CHST15: variants seen among roughly 807,000 people sequenced by gnomAD.
CHST15 encodes carbohydrate sulfotransferase 15, also known as B cell RAG associated protein (GALNAC4S-6ST).
Under a neutral mutation model 53.6 loss-of-function variants are expected in CHST15, and 30 were observed. The ratio of observed to expected loss-of-function variants is 0.56; its 90% CI spans 0.42 to 0.76. The LOEUF (loss-of-function observed/expected upper bound fraction) is 0.76, where lower values mean the gene tolerates loss of function less well. Among genes scored for constraint, CHST15 ranks in the 30% least tolerant of loss-of-function variants. CHST15 has a pLI of 0.00. For missense variants in CHST15, 627 were observed against 740.5 expected (o/e 0.85, Z 1.78); for synonymous variants, 296 against 289.8 (o/e 1.02, Z -0.22).
intron 1 of CHST15, among the ~76,000 whole-genome samples, chr10:124,077,000 C>T (rs1184941182): frequency 1.3e-5 from 2 of 152,220 alleles, no homozygotes; most frequent in African/African-American, 2.4e-5. Flanking sequence ...TGAGCCACCG[C>T]GCCCGGCCAA....
rs532415514 is a variant in CHST15 at position 124,036,024 on chromosome 10, G to A, written c.1190+2491C>T. 1.1e-4 allele frequency among the ~76,000 whole-genome samples: 16 copies of A among 152,346 alleles called. No homozygotes were observed. The South Asian group carries it at 3.1e-3, about 30-fold the overall frequency. The stretch of plus-strand genomic sequence containing the variant: ...ACACAAGGCTGCTGTGTGCACTCTC[G>A]GCCCCTGAGGTTAAGGCGTGGTCTG... On this transcript the variant is annotated intron_variant, in intron 5 of 7. Transcript: ENST00000435907. The surrounding 1 kb of genome is among the most constrained non-coding windows in gnomAD (Gnocchi z 5.1).
At chr10:124,030,428 G>C (rs1947183476) in intron 5 of CHST15, among the ~76,000 whole-genome samples, 1 of 152,194 alleles carries the variant, frequency 6.6e-6, no homozygotes, top group Admixed American at 6.5e-5. Flanking sequence ...GTCCTCACAA[G>C]GACCCTTGTA....
rs1359028669 is a variant in CHST15, at chr10:124,046,469, C to T, written c.-257G>A. On this transcript the variant is annotated 5_prime_UTR_variant, in exon 2 of 8. Coordinates refer to ENST00000435907, the MANE Select transcript of CHST15 (RefSeq NM_001270764.2). ...TGTTCTACAAGAGCCGCTGCAACCTCAGAGAAGGTCACAAGTTCGGGAGCA... is the reference window on the plus strand; with the variant it reads ...TGTTCTACAAGAGCCGCTGCAACCTTAGAGAAGGTCACAAGTTCGGGAGCA... 2.6e-6 allele frequency: 1 copy of T among 384,444 alleles called. No individual in the cohort carries two copies. The highest frequency in any genetic ancestry group is 4.6e-6 in the Non-Finnish European group (1 of 216,278). The allele number at this position is 384,444 out of a possible 1,614,324, so 23.8% of individuals were successfully genotyped here.
chr10:124,037,144 C>G (rs772852315), intron 5 of CHST15, among the ~76,000 whole-genome samples: 5 of 152,200 alleles, frequency 3.3e-5, no homozygotes, highest in Non-Finnish European at 7.3e-5. Context: ...GGGTGAGGGT[C>G]TACCCTGATC....
Position 124,009,398 on chromosome 10 carries a change from A to G in CHST15, c.*751T>C, listed in dbSNP as rs1258699666. 1.3e-5 allele frequency: 13 copies of G among 1,009,802 alleles called. No individual in the cohort carries two copies. The East Asian group carries it at 3.9e-4, about 30-fold the overall frequency. The allele number at this position is 1,009,802 out of a possible 1,614,324, so 62.6% of individuals were successfully genotyped here. A position where few individuals can be genotyped will look rare whatever the true frequency, so the allele number is the denominator to read the frequency against. The stretch of plus-strand genomic sequence containing the variant: ...AACGCATTCATTTTCTATGTTAAAC[A>G]TAAGTCCACAAGGACAGAATAGGAG... On this transcript the variant is annotated 3_prime_UTR_variant, in exon 8 of 8. Coordinates refer to ENST00000435907, the MANE Select transcript of CHST15 (RefSeq NM_001270764.2).
intron 1 of CHST15, among the ~76,000 whole-genome samples, chr10:124,072,638 C>T (rs1948955339): frequency 6.6e-6 from 1 of 152,242 alleles, no homozygotes; most frequent in Non-Finnish European, 1.5e-5. Context: ...ACCAGGCCAG[C>T]CACTTTCATC....
In CHST15 at chr10:124,036,662, G is replaced by GCA. The variant is rs36082614; in HGVS notation, c.1190+1851_1190+1852dup. Among the ~76,000 whole-genome samples, 20,715 of 149,618 alleles carry GCA rather than the reference G, an allele frequency of 0.14. 1,948 individuals are homozygous for GCA. The highest frequency in any genetic ancestry group is 0.27 in the African/African-American group (10,786 of 40,332). ...TAAGACTGTCCTGTCACACCCATGT[G>GCA]CACACACACACACACACACACTTAT... On this transcript the variant is annotated intron_variant, in intron 5 of 7. Transcript: ENST00000435907. This position sits in a 1 kb window ranked among gnomAD's most constrained non-coding sequence, Gnocchi z 5.1.
chr10:124,018,538 G>A (rs539146030), intron 6 of CHST15, among the ~76,000 whole-genome samples: 25 of 152,336 alleles, frequency 1.6e-4, no homozygotes, highest in Admixed American at 2.6e-4. Flanking sequence ...CTGTGCCCCC[G>A]GATCTTCAGA....
Position 124,038,537 on chromosome 10 carries a change from T to C in CHST15, c.1168A>G (p.Met390Val), listed in dbSNP as rs1947609117. Reference protein sequence around the residue: ...AFQPNARLIVMLRDPVERLYS... With the variant: ...AFQPNARLIVVLRDPVERLYS... ...CACCTCTCCACAGGGTCCCTGAGCA[T>C]GACAATCAGTCTGGCATTTGGCTGA... The change falls in exon 5 of 8, where the codon ATG becomes GTG. Residue 390 changes from methionine to valine, a missense_variant. Physicochemically the swap from Met to Val is conservative, Grantham distance 21 (BLOSUM62 1). Transcript: ENST00000435907. 2 of 1,614,234 alleles carry C rather than the reference T, an allele frequency of 1.2e-6. No homozygotes were observed. The highest frequency in any genetic ancestry group is 1.7e-6 in the Non-Finnish European group (2 of 1,180,038).
intron 1 of CHST15, among the ~76,000 whole-genome samples, chr10:124,069,404 A>G (rs1437568522): frequency 3.9e-5 from 6 of 152,200 alleles, no homozygotes; most frequent in African/African-American, 1.4e-4. Flanking sequence ...GCACAGATGG[A>G]AATGGGGCAG....
chr10:124,060,140 C>A (rs1412085317), intron 1 of CHST15, among the ~76,000 whole-genome samples: 2 of 149,366 alleles, frequency 1.3e-5, no homozygotes, highest in Non-Finnish European at 3.0e-5. Context: ...TGCCAGCCCC[C>A]ATTCAGTGTG....
intron 1 of CHST15, among the ~76,000 whole-genome samples, chr10:124,060,605 G>A (rs897494107): frequency 1.3e-5 from 2 of 148,902 alleles, no homozygotes; most frequent in South Asian, 4.3e-4. Flanking sequence ...TTCCCCCAGG[G>A]GCATGTGGGC....
intron 1 of CHST15, among the ~76,000 whole-genome samples, chr10:124,062,926 G>A (rs1196152328): frequency 6.6e-6 from 1 of 152,042 alleles, no homozygotes; most frequent in African/African-American, 2.4e-5. Flanking sequence ...GAGTTGGGGG[G>A]CTTGGCTAAA....
At position 124,024,940 on chromosome 10, in the gene CHST15, G is replaced by A. The variant is rs189772842; in HGVS notation, c.1191-3528C>T. ...TTCTGAAACTGTCATAAAATCCCACGTTAAATAAGTATTCGAAGCCCAGTT... is the reference window on the plus strand; with the variant it reads ...TTCTGAAACTGTCATAAAATCCCACATTAAATAAGTATTCGAAGCCCAGTT... On this transcript the variant is annotated intron_variant, in intron 5 of 7. Coordinates refer to ENST00000435907, the MANE Select transcript of CHST15 (RefSeq NM_001270764.2). The surrounding 1 kb of genome is among the most constrained non-coding windows in gnomAD (Gnocchi z 4.0). Among the ~76,000 whole-genome samples the A allele has an allele frequency of 1.4e-4, 21 of 152,246 alleles. No homozygotes were observed. The highest frequency in any genetic ancestry group is 3.3e-4 in the Admixed American group (5 of 15,294).
Position 124,010,244 on chromosome 10 carries a change from T to C in CHST15, c.1591A>G (p.Ile531Val), listed in dbSNP as rs773338113. The change falls in exon 8 of 8, where the codon ATC (isoleucine) becomes GTC (valine). Residue 531 changes from isoleucine to valine, a missense_variant. By Grantham distance (29) the Ile-to-Val change is conservative (BLOSUM62 3). This residue lies in a region of CHST15 where 279 missense variants were observed against 371.6 expected (regional missense o/e 0.75). Coordinates refer to ENST00000435907, the MANE Select transcript of CHST15 (RefSeq NM_001270764.2). ...AAATCCCGCAGAATCTTCTGTGTGATGGGCCACATGGGCCCCAGGTTCCGG... is the reference window on the plus strand; with the variant it reads ...AAATCCCGCAGAATCTTCTGTGTGACGGGCCACATGGGCCCCAGGTTCCGG... ...EDRNLGPMWP[I>V]TQKILRDFYR... 1.9e-6 allele frequency: 3 copies of C among 1,613,988 alleles called. No individual in the cohort carries two copies. In the East Asian group the frequency reaches 6.7e-5, roughly 36 times the overall value.
intron 1 of CHST15, among the ~76,000 whole-genome samples, chr10:124,091,712 G>A (rs1310263664): frequency 6.6e-6 from 1 of 152,242 alleles, no homozygotes; most frequent in Non-Finnish European, 1.5e-5. Flanking sequence ...AGGCGAAGGC[G>A]CCCAGCTGTC....
chr10:124,065,517 G>A (rs1948726381), intron 1 of CHST15, among the ~76,000 whole-genome samples: 1 of 152,142 alleles, frequency 6.6e-6, no homozygotes. Flanking sequence ...CAACCCTGCT[G>A]TGGGACTGCT....
Position 124,045,961 on chromosome 10 carries a change from A to G in CHST15, c.252T>C (p.Phe84=), listed in dbSNP as rs1183275103. The G allele has an allele frequency of 1.9e-6, 3 of 1,614,182 alleles. No homozygotes were observed. The highest frequency in any genetic ancestry group is 2.5e-6 in the Non-Finnish European group (3 of 1,180,038). ...FKKGKRCSLV[F]GLIIMTLVMA... is the part of the protein sequence containing the mutation. ...TTACCAAGGTCATTATTATCAGTCC[A>G]AAAACGAGGCTACATCGCTTCCCCT... The change falls in exon 2 of 8, where the codon TTT becomes TTC. Residue 84 remains phenylalanine (F), a synonymous_variant. Coordinates refer to ENST00000435907, the MANE Select transcript of CHST15 (RefSeq NM_001270764.2).
chr10:124,035,155 A>AC (rs1947423059), intron 5 of CHST15, among the ~76,000 whole-genome samples: 1 of 131,878 alleles, frequency 7.6e-6, no homozygotes, highest in Non-Finnish European at 1.6e-5. Context: ...CCTAACGGGG[A>AC]CCCCGGCTCC....
Sources: gnomAD v4.1 joint callset for allele counts (sites outside exome capture counted in the v4.1 genomes callset) on GRCh38, gnomAD v4.1.1 for gene constraint, gnomAD v4.1.1 regional missense constraint, Gnocchi (gnomAD v3.1) non-coding constraint, MANE v1.5 for transcripts, NCBI Gene and HGNC (gene_info 2026-07-23, HGNC 2026-07-21) for gene names.